The following MINDY2 variants were observed in gnomAD, a reference collection of about 807,000 sequenced individuals.
The protein encoded by MINDY2 is MINDY lysine 48 deubiquitinase 2.
Under a neutral mutation model 68.2 loss-of-function variants are expected in MINDY2, and 52 were observed. The ratio of observed to expected loss-of-function variants is 0.76; its 90% CI spans 0.61 to 0.96. The LOEUF is 0.96. Among genes scored for constraint, MINDY2 ranks in the 40% least tolerant of loss-of-function variants. The pLI is 0.00. For missense variants in MINDY2, 881 were observed against 773.4 expected (o/e 1.14, Z -1.65); for synonymous variants, 372 against 303.0 (o/e 1.23, Z -2.36).
intron 4 of MINDY2, among the ~76,000 whole-genome samples, chr15:58,821,385 AT>A (rs575532725): frequency 6.6e-6 from 1 of 150,770 alleles, no homozygotes; most frequent in Non-Finnish European, 1.5e-5. Flanking sequence ...ATATTTTCTT[AT>A]TTTTTCTTCT....
intron 6 of MINDY2, among the ~76,000 whole-genome samples, chr15:58,843,658 AC>A (rs1381948171): frequency 1.3e-5 from 2 of 151,072 alleles, no homozygotes; most frequent in East Asian, 3.9e-4. Flanking sequence ...ACACAGTGAA[AC>A]CCCCTCGCTA....
chr15:58,784,317 A>G (rs181204720), intron 1 of MINDY2, among the ~76,000 whole-genome samples: 2 of 152,144 alleles, frequency 1.3e-5, no homozygotes, highest in Admixed American at 6.6e-5. Context: ...CAGTGAGAAC[A>G]TGATGTCTTA....
chr15:58,845,083 T>G (rs1379579814), intron 6 of MINDY2, among the ~76,000 whole-genome samples: 1 of 150,246 alleles, frequency 6.7e-6, no homozygotes, highest in Non-Finnish European at 1.5e-5. Context: ...AACGGGAAAA[T>G]GATTTCAGTA....
At chr15:58,823,998 T>C (rs948112718) in intron 5 of MINDY2, among the ~76,000 whole-genome samples, 2 of 152,210 alleles carry the variant, frequency 1.3e-5, no homozygotes, top group Non-Finnish European at 2.9e-5. Context: ...TACCAGAGTA[T>C]GCTATTCAGT....
intron 5 of MINDY2, among the ~76,000 whole-genome samples, chr15:58,828,458 T>C (rs1034787490): frequency 3.9e-5 from 6 of 152,138 alleles, no homozygotes; most frequent in African/African-American, 1.4e-4. Flanking sequence ...CCTTTTTGAC[T>C]AATTATAGTA....
chr15:58,790,380 A>C (rs990737896), intron 2 of MINDY2, among the ~76,000 whole-genome samples: 1 of 152,176 alleles, frequency 6.6e-6, no homozygotes, highest in African/African-American at 2.4e-5. Flanking sequence ...TATGACTGTC[A>C]AGGAGTACAC....
intron 1 of MINDY2, among the ~76,000 whole-genome samples, chr15:58,783,169 C>A (rs577485303): frequency 6.6e-6 from 1 of 152,148 alleles, no homozygotes; most frequent in Non-Finnish European, 1.5e-5. Context: ...GATCCGCCCA[C>A]CTCGGCCTCC....
intron 3 of MINDY2, among the ~76,000 whole-genome samples, chr15:58,805,502 A>G (rs984022599): frequency 1.2e-4 from 19 of 152,230 alleles, no homozygotes; most frequent in African/African-American, 4.6e-4. Flanking sequence ...ATTTTTAATG[A>G]GTGCAAATAT....
intron 8 of MINDY2, among the ~76,000 whole-genome samples, chr15:58,853,268 G>A (rs2140875450): frequency 6.6e-6 from 1 of 151,720 alleles, no homozygotes; most frequent in South Asian, 2.1e-4. Flanking sequence ...TGTTCATTTT[G>A]ATTCAGATAC....
At chr15:58,834,273 T>A (rs535911864) in intron 6 of MINDY2, among the ~76,000 whole-genome samples, 2 of 152,312 alleles carry the variant, frequency 1.3e-5, no homozygotes, top group African/African-American at 4.8e-5. Context: ...AGTAACAATC[T>A]GATCTCTCTC....
intron 1 of MINDY2, among the ~76,000 whole-genome samples, chr15:58,784,614 T>G (rs1901362109): frequency 1.3e-5 from 2 of 150,904 alleles, no homozygotes; most frequent in Admixed American, 6.6e-5. Context: ...TTTCTTTCTT[T>G]CTTTCCTTTT....
intron 1 of MINDY2, among the ~76,000 whole-genome samples, chr15:58,774,536 A>G (rs552489633): frequency 9.2e-5 from 14 of 151,992 alleles, no homozygotes; most frequent in South Asian, 4.2e-4. Context: ...AGTATGATGC[A>G]AATCTGCCCT....
intron 4 of MINDY2, among the ~76,000 whole-genome samples, chr15:58,813,669 C>T (rs1252926446): frequency 6.6e-6 from 1 of 151,504 alleles, no homozygotes; most frequent in Non-Finnish European, 1.5e-5. Context: ...AATTCCTGGG[C>T]TCAAGTGATC....
At chr15:58,825,917 C>A (rs1246662556) in intron 5 of MINDY2, among the ~76,000 whole-genome samples, 2 of 151,988 alleles carry the variant, frequency 1.3e-5, no homozygotes, top group African/African-American at 4.8e-5. Flanking sequence ...AGGAATGTTT[C>A]TTTAACAGTT....
intron 2 of MINDY2, among the ~76,000 whole-genome samples, chr15:58,788,758 C>T (rs1901676510): frequency 6.6e-6 from 1 of 152,034 alleles, no homozygotes; most frequent in Admixed American, 6.6e-5. Flanking sequence ...GCCTGTAATC[C>T]CAGCACTTTG....
rs202153129 is a variant in MINDY2 at position 58,772,128 on chromosome 15, A to G, written c.733A>G (p.Ile245Val). The G allele has an allele frequency of 1.9e-4, 302 of 1,613,992 alleles. No homozygotes were observed. The highest frequency in any genetic ancestry group is 2.5e-4 in the Non-Finnish European group (292 of 1,180,024). ...CTTCCCGGGACAATCTGTGTATCAC[A>G]TCAAGTGGATCCAGTGGAAGGAAGA... ...ERFPGQSVYH[I>V]KWIQWKEENT... Residue 245 changes from isoleucine to valine, a missense_variant, in exon 1 of 9, where the codon ATC becomes GTC. Ile to Val is a conservative substitution (Grantham distance 29). Coordinates refer to ENST00000559228, the MANE Select transcript of MINDY2 (RefSeq NM_001040450.3).
intron 1 of MINDY2, among the ~76,000 whole-genome samples, chr15:58,784,620 CTTT>C (rs777455607): frequency 5.4e-5 from 7 of 129,852 alleles, no homozygotes; most frequent in Admixed American, 7.7e-5. Flanking sequence ...TCTTTCTTTC[CTTT>C]TTTTTTTTTT....
intron 1 of MINDY2, among the ~76,000 whole-genome samples, chr15:58,776,990 G>A (rs924422443): frequency 3.2e-4 from 48 of 152,280 alleles, no homozygotes; most frequent in African/African-American, 1.1e-3. Context: ...AGATTGTAAA[G>A]CATTTGACCC....
At chr15:58,795,076 G>A (rs906958232) in intron 2 of MINDY2, among the ~76,000 whole-genome samples, 2 of 151,844 alleles carry the variant, frequency 1.3e-5, no homozygotes, top group Admixed American at 6.6e-5. Context: ...CTCGGGAGGC[G>A]GAGGCAGGAG....
Sources: allele counts gnomAD v4.1 joint callset (sites outside exome capture counted in the v4.1 genomes callset), GRCh38; gene constraint gnomAD v4.1.1; transcripts MANE v1.5; gene names NCBI Gene and HGNC (gene_info 2026-07-23, HGNC 2026-07-21).